The following MED30 variants were observed in gnomAD, a reference collection of about 807,000 sequenced individuals.
MED30 encodes mediator of RNA polymerase II transcription subunit 30.
Under a neutral mutation model 21.7 loss-of-function variants are expected in MED30, and 8 were observed. The observed-to-expected ratio is 0.37, with a 90% CI of 0.22 to 0.67. The LOEUF is 0.67. Among genes scored for constraint, MED30 ranks in the 30% least tolerant of loss-of-function variants. MED30 has a pLI of 0.58. For synonymous variants in MED30, 79 were observed against 86.7 expected (o/e 0.91, Z 0.49); for missense variants, 203 against 228.2 (o/e 0.89, Z 0.71).
intron 2 of MED30, among the ~76,000 whole-genome samples, chr8:117,529,386 TA>T (rs1477124833): frequency 5.9e-5 from 9 of 151,722 alleles, no homozygotes; most frequent in Non-Finnish European, 1.3e-4. Flanking sequence ...AGAGAAAAAT[TA>T]AACTGCAAAA....
chr8:117,528,857 G>A (rs767911226), intron 2 of MED30, 48 bp downstream of exon 2: 1 of 1,363,684 alleles, frequency 7.3e-7, no homozygotes, highest in South Asian at 1.7e-5. Flanking sequence ...GTGAACTAGT[G>A]TCAAGACAGT....
At chr8:117,522,428 C>A (rs1449319793) in intron 1 of MED30, among the ~76,000 whole-genome samples, 1 of 152,130 alleles carries the variant, frequency 6.6e-6, no homozygotes. Context: ...TGTTCCAGCA[C>A]CATTTTGCTG....
chr8:117,522,562 G>A (rs1818644077), intron 1 of MED30, among the ~76,000 whole-genome samples: 1 of 151,716 alleles, frequency 6.6e-6, no homozygotes, highest in South Asian at 2.1e-4. Flanking sequence ...CAGTGGTAGG[G>A]TAAATTTGAA....
chr8:117,526,357 A>G (rs879790281), intron 1 of MED30, among the ~76,000 whole-genome samples: 2 of 152,120 alleles, frequency 1.3e-5, no homozygotes, highest in Non-Finnish European at 2.9e-5. Flanking sequence ...GGGTCTTAGT[A>G]GACATCCTTT....
intron 1 of MED30, chr8:117,523,500 C>G: frequency 6.3e-7 from 1 of 1,592,048 alleles, no homozygotes; most frequent in South Asian, 1.1e-5. Flanking sequence ...GAACAATCTC[C>G]GGGGGCAGAT....
Position 117,520,756 on chromosome 8 carries a change from A to T in MED30, c.-121A>T. 9.6e-7 allele frequency: 1 copy of T among 1,041,080 alleles called. No individual in the cohort carries two copies. Among genetic ancestry groups the T allele is most frequent in the South Asian group, 1.7e-5 (1 of 58,616 alleles). 64.5% of individuals were successfully genotyped at this position (1,041,080 alleles called of 1,614,324 possible). The stretch of plus-strand genomic sequence containing the variant: ...CGGAAGTCGCGGCCGCTGTTTTGAA[A>T]TCGGGCCGCGGGGGGTCTCTCAAGC... On this transcript the variant is annotated 5_prime_UTR_variant, in exon 1 of 4. Coordinates refer to ENST00000297347, the MANE Select transcript of MED30 (RefSeq NM_080651.4).
rs1309627858 is a variant in MED30 at position 117,528,798 on chromosome 8, A to G, written c.325A>G (p.Ile109Val). ...CNENCGGMDP[I>V]PVEQLIPYVE... ...TGAAAACTGTGGTGGGATGGATCCC[A>G]TTCCAGTCGAGGTAATTTTTTGTGA... is the stretch of plus-strand genomic sequence containing the variant. Residue 109 changes from isoleucine (I) to valine (V), a missense_variant, in exon 2 of 4, where the codon ATT (isoleucine) becomes GTT (valine). Physicochemically the swap from Ile to Val is conservative, Grantham distance 29. Coordinates refer to ENST00000297347, the MANE Select transcript of MED30 (RefSeq NM_080651.4). 1 of 1,599,298 alleles carries G rather than the reference A, an allele frequency of 6.3e-7. No homozygotes were observed. Among genetic ancestry groups the G allele is most frequent in the Non-Finnish European group, 8.5e-7 (1 of 1,174,158 alleles).
rs764806838 is a variant in MED30, at chr8:117,528,772, A to G, written c.299A>G (p.Asn100Ser). Residue 100 changes from asparagine (N) to serine (S), a missense_variant, in exon 2 of 4, where the codon AAT (asparagine) becomes AGT (serine). By Grantham distance (46) the Asn-to-Ser change is conservative. Transcript: ENST00000297347. ...RKLRLVYDKCNENCGGMDPIP... is the reference protein window; with the variant it reads ...RKLRLVYDKCSENCGGMDPIP... ...CTGAGATTGGTATATGACAAATGCA[A>G]TGAAAACTGTGGTGGGATGGATCCC... 2.5e-5 allele frequency: 40 copies of G among 1,607,400 alleles called. No homozygotes were observed. Among genetic ancestry groups the G allele is most frequent in the East Asian group, 6.7e-5 (3 of 44,622 alleles).
At chr8:117,523,190 G>A in intron 1 of MED30, 2 of 713,142 alleles carry the variant, frequency 2.8e-6, no homozygotes, top group Non-Finnish European at 4.7e-6. Context: ...TGCATTCAAA[G>A]CCAACTTTTT....
At chr8:117,523,209 A>AT in intron 1 of MED30, 1 of 744,862 alleles carries the variant, frequency 1.3e-6, no homozygotes, top group Non-Finnish European at 2.2e-6. Flanking sequence ...TTTTTTTTTA[A>AT]GTTTTTTTTT....
chr8:117,539,048 G>A (rs1376032416), intron 3 of MED30, among the ~76,000 whole-genome samples: 2 of 152,300 alleles, frequency 1.3e-5, no homozygotes, highest in African/African-American at 4.8e-5. Context: ...TTACTTATGT[G>A]TCAGGCACAA....
At chr8:117,531,733 C>T (rs1818795359) in intron 3 of MED30, among the ~76,000 whole-genome samples, 2 of 151,670 alleles carry the variant, frequency 1.3e-5, no homozygotes, top group African/African-American at 4.8e-5. Flanking sequence ...AAATACCCAA[C>T]ATTTTTCATA....
intron 2 of MED30, among the ~76,000 whole-genome samples, chr8:117,529,829 G>A (rs982430545): frequency 2.0e-5 from 3 of 151,986 alleles, no homozygotes; most frequent in Non-Finnish European, 2.9e-5. Flanking sequence ...AGACAGGAGG[G>A]CAGAGTAATC....
chr8:117,524,116 A>G (rs776455566), intron 1 of MED30: 1 of 155,170 alleles, frequency 6.4e-6, no homozygotes, highest in Non-Finnish European at 1.4e-5. Context: ...TATGATAATT[A>G]TATGTGTGCT....
Position 117,540,219 on chromosome 8 carries a change from A to G in MED30, c.*241A>G, listed in dbSNP as rs1563792616. On this transcript the variant is annotated 3_prime_UTR_variant, in exon 4 of 4. Coordinates refer to ENST00000297347, the MANE Select transcript of MED30 (RefSeq NM_080651.4). Reference sequence around the variant, plus strand: ...TTGGTTAATCTTCATGAATTGAATAATTGTTTTTTTAAAGCAAAATAAAGT... The same window carrying G: ...TTGGTTAATCTTCATGAATTGAATAGTTGTTTTTTTAAAGCAAAATAAAGT... The G allele has an allele frequency of 4.8e-5, 12 of 250,764 alleles. No individual in the cohort carries two copies. The highest frequency in any genetic ancestry group is 6.7e-5 in the Non-Finnish European group (9 of 134,094). 15.5% of individuals were successfully genotyped at this position (250,764 alleles called of 1,614,324 possible). A position where few individuals can be genotyped will look rare whatever the true frequency, so the allele number is the denominator to read the frequency against.
chr8:117,525,951 C>T (rs1191902737), intron 1 of MED30, among the ~76,000 whole-genome samples: 1 of 152,000 alleles, frequency 6.6e-6, no homozygotes, highest in Non-Finnish European at 1.5e-5. Context: ...TTATTAGGTC[C>T]GTTCGGCCTA....
At chr8:117,539,481 AT>A (rs996960743) in intron 3 of MED30, among the ~76,000 whole-genome samples, 1 of 151,876 alleles carries the variant, frequency 6.6e-6, no homozygotes, top group African/African-American at 2.4e-5. Flanking sequence ...AAAAAAAAAA[AT>A]TCGTAGTGAA....
intron 3 of MED30, among the ~76,000 whole-genome samples, chr8:117,533,550 A>G (rs28439173): frequency 0.017 from 2,585 of 152,314 alleles, 84 homozygotes; most frequent in African/African-American, 0.058. Context: ...GTTTATTGCT[A>G]AGCCGCATAG....
At position 117,520,783 on chromosome 8, in the gene MED30, G is replaced by C; in HGVS notation, c.-94G>C. 1 of 1,307,052 alleles carries C rather than the reference G, an allele frequency of 7.7e-7. No homozygotes were observed. The highest frequency in any genetic ancestry group is 1.0e-6 in the Non-Finnish European group (1 of 980,784). 81.0% of individuals were successfully genotyped at this position (1,307,052 alleles called of 1,614,324 possible). A position where few individuals can be genotyped will look rare whatever the true frequency, so the allele number is the denominator to read the frequency against. Reference sequence around the variant, plus strand: ...CGGGCCGCGGGGGGTCTCTCAAGCTGGTTCCAACGCTGAGGCCCCACAGCC... The same window carrying C: ...CGGGCCGCGGGGGGTCTCTCAAGCTCGTTCCAACGCTGAGGCCCCACAGCC... On this transcript the variant is annotated 5_prime_UTR_variant, in exon 1 of 4. Transcript: ENST00000297347.
Sources: gnomAD v4.1 joint callset for allele counts (sites outside exome capture counted in the v4.1 genomes callset) on GRCh38, gnomAD v4.1.1 for gene constraint, MANE v1.5 for transcripts, NCBI Gene and HGNC (gene_info 2026-07-23, HGNC 2026-07-21) for gene names.